NRXN1: variants seen among roughly 807,000 people sequenced by gnomAD.
NRXN1 encodes neurexin 1, also known as neurexin-1.
Under a neutral mutation model 150.9 loss-of-function variants are expected in NRXN1, and 39 were observed. The ratio of observed to expected loss-of-function variants is 0.26; its 90% CI spans 0.20 to 0.34. NRXN1 has a LOEUF of 0.34. NRXN1 is among the 10% of genes least tolerant of loss of function. The pLI, the probability that NRXN1 is intolerant of heterozygous loss-of-function variation, is 1.00. For synonymous variants in NRXN1, 924 were observed against 757.0 expected (o/e 1.22, Z -3.62); for missense variants, 1,815 against 1,949.9 (o/e 0.93, Z 1.30).
chr2:50,057,959 A>C (rs542433917), intron 19 of NRXN1, among the ~76,000 whole-genome samples: 3 of 152,320 alleles, frequency 2.0e-5, no homozygotes, highest in African/African-American at 7.2e-5. Flanking sequence ...AGTTATTATT[A>C]GTAGGGAAAG....
At chr2:50,110,485 C>A (rs1480013677) in intron 18 of NRXN1, among the ~76,000 whole-genome samples, 3 of 96,168 alleles carry the variant, frequency 3.1e-5, no homozygotes, top group Non-Finnish European at 5.7e-5. Flanking sequence ...GAGTGAGACT[C>A]TGTCTCAAAA....
chr2:50,717,724 T>C (rs538684520), intron 5 of NRXN1, among the ~76,000 whole-genome samples: 1 of 152,276 alleles, frequency 6.6e-6, no homozygotes, highest in Non-Finnish European at 1.5e-5. Flanking sequence ...AAGGTCAAGG[T>C]GCCAGCAGAT....
chr2:50,447,304 T>A (rs949009242), intron 17 of NRXN1, among the ~76,000 whole-genome samples: 1 of 151,596 alleles, frequency 6.6e-6, no homozygotes, highest in African/African-American at 2.4e-5. Context: ...TGAAACCCCA[T>A]CTGTACTATT....
Position 50,265,965 on chromosome 2 carries a change from G to GTTATTA in NRXN1, c.3365-29001_3365-28996dup, listed in dbSNP as rs757745541. Among the ~76,000 whole-genome samples, 394 of 132,362 alleles carry GTTATTA rather than the reference G, an allele frequency of 3.0e-3. 3 individuals carry two copies. Among genetic ancestry groups the GTTATTA allele is most frequent in the South Asian group, 0.028 (116 of 4,120 alleles). The allele number at this position is 132,362 out of a possible 152,430, so 86.8% of individuals were successfully genotyped here. ...AATTTTTTATTTTATTTATTTCTTT[G>GTTATTA]TTATTATTATTATTATTATTATTAT... On this transcript the variant is annotated intron_variant, in intron 17 of 22. Transcript: ENST00000401669.
chr2:50,046,292 G>A (rs192379965), intron 21 of NRXN1, among the ~76,000 whole-genome samples: 212 of 152,212 alleles, frequency 1.4e-3, no homozygotes, highest in African/African-American at 4.6e-3. Flanking sequence ...CTCCACTGCC[G>A]CTTGCTTCCC....
chr2:50,206,100 TCAC>T (rs1403444346), intron 18 of NRXN1, among the ~76,000 whole-genome samples: 1 of 152,034 alleles, frequency 6.6e-6, no homozygotes, highest in Admixed American at 6.6e-5. Flanking sequence ...AATGAAAAGT[TCAC>T]CACCACCTCC....
chr2:50,834,403 C>T (rs1332684125), intron 5 of NRXN1, among the ~76,000 whole-genome samples: 2 of 152,080 alleles, frequency 1.3e-5, no homozygotes, highest in Admixed American at 6.6e-5. Context: ...ATGTGGTGCT[C>T]AGTTTTTGAG....
chr2:50,375,815 G>A (rs374305318), intron 17 of NRXN1, among the ~76,000 whole-genome samples: 1 of 151,754 alleles, frequency 6.6e-6, no homozygotes, highest in South Asian at 2.1e-4. Context: ...TGATACAAGA[G>A]GAAAGGTTGA....
chr2:50,865,291 AT>A (rs1486813463), intron 5 of NRXN1, among the ~76,000 whole-genome samples: 2 of 151,926 alleles, frequency 1.3e-5, no homozygotes, highest in South Asian at 2.1e-4. Context: ...CTATCCTGTA[AT>A]TTATATTTCA....
At chr2:50,862,840 T>G (rs1676340877) in intron 5 of NRXN1, among the ~76,000 whole-genome samples, 2 of 152,066 alleles carry the variant, frequency 1.3e-5, no homozygotes, top group South Asian at 4.1e-4. Context: ...GATCCAGGAT[T>G]TGTACCATTT....
intron 8 of NRXN1, among the ~76,000 whole-genome samples, chr2:50,617,251 T>TA (rs1164459014): frequency 6.6e-6 from 1 of 151,920 alleles, no homozygotes; most frequent in Non-Finnish European, 1.5e-5. Context: ...CTGGCCAACA[T>TA]AGAGTGAAAC....
intron 5 of NRXN1, among the ~76,000 whole-genome samples, chr2:50,872,982 C>A (rs888233428): frequency 4.0e-5 from 6 of 151,574 alleles, no homozygotes; most frequent in African/African-American, 1.5e-4. Flanking sequence ...ACCTAGGTGG[C>A]AAAGCAAGAC....
chr2:50,574,172 C>G (rs1671062029), intron 8 of NRXN1, among the ~76,000 whole-genome samples: 1 of 151,986 alleles, frequency 6.6e-6, no homozygotes, highest in Non-Finnish European at 1.5e-5. Context: ...AAGAAACACC[C>G]AGGAAGACAT....
intron 21 of NRXN1, among the ~76,000 whole-genome samples, chr2:50,041,112 G>A (rs532852726): frequency 2.0e-5 from 3 of 152,122 alleles, no homozygotes; most frequent in African/African-American, 7.2e-5. Context: ...AAGCCACATA[G>A]CAAGAATAAA....
intron 17 of NRXN1, among the ~76,000 whole-genome samples, chr2:50,417,619 T>C (rs558856520): frequency 6.6e-6 from 1 of 151,920 alleles, no homozygotes; most frequent in Admixed American, 6.6e-5. Context: ...GCTTTACAAA[T>C]AACCTAGCTA....
chr2:50,516,487 C>A (rs2092634186), intron 12 of NRXN1, among the ~76,000 whole-genome samples: 1 of 152,120 alleles, frequency 6.6e-6, no homozygotes, highest in South Asian at 2.1e-4. Context: ...AGTTGAGTCA[C>A]CTTCCCCAGA....
intron 21 of NRXN1, among the ~76,000 whole-genome samples, chr2:49,960,010 T>C (rs1203196456): frequency 1.3e-5 from 2 of 152,218 alleles, no homozygotes. Flanking sequence ...TTTTAAACTC[T>C]ACTTTATTTC....
chr2:50,156,009 A>G (rs1478409509), intron 18 of NRXN1, among the ~76,000 whole-genome samples: 1 of 151,770 alleles, frequency 6.6e-6, no homozygotes, highest in Non-Finnish European at 1.5e-5. Context: ...GCAAATAAAT[A>G]CATCTAGAAT....
chr2:50,847,722 C>T (rs918424073), intron 5 of NRXN1, among the ~76,000 whole-genome samples: 7 of 152,128 alleles, frequency 4.6e-5, no homozygotes, highest in Admixed American at 3.3e-4. Flanking sequence ...GAGAGGATGT[C>T]CAGGGAGCAC....
Sources: allele counts gnomAD v4.1 joint callset (sites outside exome capture counted in the v4.1 genomes callset), GRCh38; gene constraint gnomAD v4.1.1; transcripts MANE v1.5; gene names NCBI Gene and HGNC (gene_info 2026-07-23, HGNC 2026-07-21).